The following PLXND1 variants were observed in gnomAD, a reference collection of about 807,000 sequenced individuals.
PLXND1 encodes the protein plexin-D1.
A neutral mutation model predicts 197.7 loss-of-function variants in PLXND1; 54 were observed. That is an observed-to-expected ratio of 0.27 (90% CI 0.22 to 0.34). The LOEUF (loss-of-function observed/expected upper bound fraction) is 0.34. PLXND1 is among the 10% of genes least tolerant of loss of function. The pLI, the probability that PLXND1 is intolerant of heterozygous loss-of-function variation, is 1.00. For synonymous variants in PLXND1, 1,180 were observed against 1,161.2 expected, an observed-to-expected ratio of 1.02 and a Z score of -0.33; for missense variants, 2,127 against 2,699.2, an observed-to-expected ratio of 0.79 and a Z score of 4.70.
intron 1 of PLXND1, among the ~76,000 whole-genome samples, chr3:129,589,862 G>A (rs911728878): frequency 6.6e-6 from 1 of 152,086 alleles, no homozygotes; most frequent in African/African-American, 2.4e-5. Flanking sequence ...CCTTGGGGCT[G>A]CCCCTCCTGG....
chr3:129,573,898 C>T (rs2108778197), intron 12 of PLXND1, among the ~76,000 whole-genome samples, 153 bp from the exon 13 acceptor site: 1 of 152,318 alleles, frequency 6.6e-6, no homozygotes, highest in South Asian at 2.1e-4. Flanking sequence ...GGACTGTGGC[C>T]ACTTGGCAGG....
intron 27 of PLXND1, among the ~76,000 whole-genome samples, chr3:129,562,305 G>A (rs2085073503): frequency 6.6e-6 from 1 of 152,170 alleles, no homozygotes; most frequent in Non-Finnish European, 1.5e-5. Flanking sequence ...TTGAGCCCAG[G>A]AGTTCAAGAC....
At chr3:129,598,936 A>G (rs553474337) in intron 1 of PLXND1, among the ~76,000 whole-genome samples, 2 of 152,324 alleles carry the variant, frequency 1.3e-5, no homozygotes, top group East Asian at 3.9e-4. Flanking sequence ...AAAGATATGT[A>G]AAGTGCTCTG....
intron 13 of PLXND1, 124 bp from the exon 14 acceptor site, chr3:129,573,065 C>T (rs899981777): frequency 3.0e-6 from 2 of 674,778 alleles, no homozygotes; most frequent in Admixed American, 4.6e-5. Flanking sequence ...TATAATTTAC[C>T]CCATCAGTTT....
intron 15 of PLXND1, 105 bp from the exon 16 acceptor site, chr3:129,571,949 CA>C: frequency 9.3e-7 from 1 of 1,077,988 alleles, no homozygotes. Flanking sequence ...GCCTGGGGTT[CA>C]AGGCCTCCTT....
At chr3:129,590,424 A>T (rs920780438) in intron 1 of PLXND1, among the ~76,000 whole-genome samples, 1 of 152,126 alleles carries the variant, frequency 6.6e-6, no homozygotes, top group Non-Finnish European at 1.5e-5. Context: ...TGACCCTGAG[A>T]CAATAACTGT....
At position 129,555,303 on chromosome 3, in the gene PLXND1, A is replaced by G. The variant is rs563784696; in HGVS notation, c.*1009T>C. The G allele has an allele frequency of 3.7e-6, 2 of 547,720 alleles. No homozygotes were observed. Among genetic ancestry groups the G allele is most frequent in the South Asian group, 4.9e-5 (2 of 40,918 alleles). 33.9% of individuals were successfully genotyped at this position (547,720 alleles called of 1,614,324 possible). ...CCCCATGGGCTCTGAGCCAGTCCCA[A>G]CACTGGCTGAGTTGGCTGCGAGGGG... On this transcript the variant is annotated 3_prime_UTR_variant, in exon 36 of 36. Transcript: ENST00000324093.
chr3:129,572,875 C>CT lies in PLXND1; in HGVS notation c.2903dup (p.Glu969GlyfsTer37), dbSNP rs1204298251. ...AGAAGCGGTCCCGGGACTTGCCCTC[C>CT]TTAGAGGCGTTCACGGTCACCACAC... On this transcript the variant is annotated frameshift_variant, in exon 14 of 36. Coordinates refer to ENST00000324093, the MANE Select transcript of PLXND1 (RefSeq NM_015103.3). LOFTEE classifies it high-confidence loss of function. 6.2e-7 allele frequency: 1 copy of CT among 1,613,918 alleles called. No homozygotes were observed.
chr3:129,556,130 T>A lies in PLXND1; in HGVS notation c.*182A>T, dbSNP rs1294129013. On this transcript the variant is annotated 3_prime_UTR_variant, in exon 36 of 36. Coordinates refer to ENST00000324093, the MANE Select transcript of PLXND1 (RefSeq NM_015103.3). ...GGGGACAGGTGGGAGGGGATGGAGG[T>A]GCCCAGGGGTCAAGGCGGGGGCGCC... 8.5e-6 allele frequency: 5 copies of A among 589,102 alleles called. No homozygotes were observed. Among genetic ancestry groups the A allele is most frequent in the African/African-American group, 5.6e-5 (3 of 53,838 alleles). The allele number at this position is 589,102 out of a possible 1,614,324, so 36.5% of individuals were successfully genotyped here. A position where few individuals can be genotyped will look rare whatever the true frequency, so the allele number is the denominator to read the frequency against.
intron 29 of PLXND1, among the ~76,000 whole-genome samples, 140 bp downstream of exon 29, chr3:129,561,487 ACTGGGTCAGAGGAGGCTGG>A (rs1372274190): frequency 1.8e-4 from 27 of 152,164 alleles, no homozygotes; most frequent in Non-Finnish European, 1.5e-5. Context: ...CCCCAGCAGT[ACTGGGTCAGAGGAGGCTGG>A]CCCCGCCCAG....
rs369072341 is a variant in PLXND1, at chr3:129,573,793, C to T, written c.2686-48G>A. The stretch of plus-strand genomic sequence containing the variant: ...GGCGAATGGGATCTGAGGCTGCAGG[C>T]CAGCAGGCTTCTGCCCACAGTCACA... On this transcript the variant is annotated intron_variant, in intron 12 of 35. Transcript: ENST00000324093. 10 of 1,589,910 alleles carry T rather than the reference C, an allele frequency of 6.3e-6. No individual in the cohort carries two copies. In the African/African-American group the frequency reaches 8.0e-5, roughly 13 times the overall value.
chr3:129,556,732 C>A, intron 34 of PLXND1, 41 bp from the exon 35 acceptor site: 1 of 1,442,750 alleles, frequency 6.9e-7, no homozygotes, highest in South Asian at 1.2e-5. Context: ...GCCCAGCGGT[C>A]AAAGCTGAGC....
In PLXND1 at chr3:129,575,763, C is replaced by T. The variant is rs2085304886; in HGVS notation, c.2436+3G>A. On this transcript the variant is annotated splice_donor_region_variant and intron_variant, in intron 10 of 35. Transcript: ENST00000324093. ...CCGCCCATGCTGGAGTCACCCCACT[C>T]ACCACCACCTGGTCACAGCGTACAA... The T allele has an allele frequency of 6.2e-7, 1 of 1,607,954 alleles. No individual in the cohort carries two copies. Among genetic ancestry groups the T allele is most frequent in the Non-Finnish European group, 8.5e-7 (1 of 1,174,608 alleles).
At position 129,563,202 on chromosome 3, in the gene PLXND1, G is replaced by A. The variant is rs2085088190; in HGVS notation, c.4560C>T (p.Ala1520=). 1 of 1,612,636 alleles carries A rather than the reference G, an allele frequency of 6.2e-7. No homozygotes were observed. The highest frequency in any genetic ancestry group is 1.3e-5 in the African/African-American group (1 of 75,014). The change falls in exon 26 of 36, where the codon GCC becomes GCT. Residue 1520 remains alanine, a synonymous_variant. Transcript: ENST00000324093. ...VGEPFFLLLC[A]IKQQINKGSI... ...AGCCCTTGTTGATTTGCTGCTTGAT[G>A]GCACACAGCAGCAGGAAGAATGGCT...
chr3:129,586,446 G>A (rs2085462247), intron 3 of PLXND1, 142 bp downstream of exon 3: 2 of 1,135,606 alleles, frequency 1.8e-6, no homozygotes, highest in Non-Finnish European at 1.3e-6. Context: ...GTGTTGGGAG[G>A]CGCAGGACAA....
intron 1 of PLXND1, among the ~76,000 whole-genome samples, chr3:129,598,869 T>C (rs778760195): frequency 1.8e-4 from 27 of 152,198 alleles, no homozygotes; most frequent in Non-Finnish European, 3.8e-4. Context: ...TGGACCTCTG[T>C]TTCCCCTTCC....
chr3:129,561,037 G>A (rs1346674107), intron 29 of PLXND1: 2 of 523,418 alleles, frequency 3.8e-6, no homozygotes, highest in Non-Finnish European at 7.4e-6. Context: ...CACACACACA[G>A]TGACCCGGGA....
intron 1 of PLXND1, among the ~76,000 whole-genome samples, chr3:129,592,922 C>G (rs941619879): frequency 6.6e-6 from 1 of 152,136 alleles, no homozygotes; most frequent in East Asian, 1.9e-4. Flanking sequence ...GACTCGGGGA[C>G]TAGACGTCCT....
Position 129,605,697 on chromosome 3 carries a change from G to A in PLXND1, c.943C>T (p.Arg315Trp). The A allele has an allele frequency of 6.5e-7, 1 of 1,539,024 alleles. No individual in the cohort carries two copies. Among genetic ancestry groups the A allele is most frequent in the Non-Finnish European group, 8.7e-7 (1 of 1,144,882 alleles). ...ARAGDKESQA[R>W]SLLARICLPH... is the part of the protein sequence containing the mutation. Reference sequence around the variant, plus strand: ...AGGCAGATGCGCGCCAGCAGGCTCCGCGCCTGGCTCTCCTTGTCGCCCGCG... The same window carrying A: ...AGGCAGATGCGCGCCAGCAGGCTCCACGCCTGGCTCTCCTTGTCGCCCGCG... The change falls in exon 1 of 36, where the codon CGG (arginine) becomes TGG (tryptophan). Residue 315 changes from arginine to tryptophan, a missense_variant. By Grantham distance (101) the Arg-to-Trp change is moderately radical (BLOSUM62 -3). Transcript: ENST00000324093.
Sources: gnomAD v4.1 joint callset for allele counts (sites outside exome capture counted in the v4.1 genomes callset) on GRCh38, gnomAD v4.1.1 for gene constraint, MANE v1.5 for transcripts, NCBI Gene and HGNC (gene_info 2026-07-23, HGNC 2026-07-21) for gene names.